Variants in CNTNAP2 observed in about 807,000 individuals in gnomAD.
CNTNAP2 encodes the protein contactin associated protein 2.
CNTNAP2 carries 98 observed loss-of-function variants against 155.2 expected under a neutral mutation model. The observed-to-expected ratio is 0.63, with a 90% CI of 0.54 to 0.75. The LOEUF is 0.75. CNTNAP2 is among the 30% of genes least tolerant of loss of function. CNTNAP2 has a pLI of 0.00. For synonymous variants in CNTNAP2, 651 were observed against 631.2 expected, an observed-to-expected ratio of 1.03 and a Z score of -0.47; for missense variants, 1,727 against 1,688.1, an observed-to-expected ratio of 1.02 and a Z score of -0.40.
intron 16 of CNTNAP2, among the ~76,000 whole-genome samples, chr7:148,146,282 T>G (rs1805175390): frequency 6.6e-6 from 1 of 152,230 alleles, no homozygotes; most frequent in Non-Finnish European, 1.5e-5. Context: ...TGCCACATCT[T>G]TAATGTTGAG....
At chr7:147,718,426 G>A (rs933738762) in intron 13 of CNTNAP2, among the ~76,000 whole-genome samples, 28 of 152,032 alleles carry the variant, frequency 1.8e-4, no homozygotes, top group African/African-American at 6.3e-4. Flanking sequence ...TATGTATTCT[G>A]CCTGGTTTTA....
intron 1 of CNTNAP2, among the ~76,000 whole-genome samples, chr7:146,343,655 C>T (rs989875528): frequency 2.6e-5 from 4 of 152,016 alleles, no homozygotes; most frequent in African/African-American, 7.2e-5. Context: ...TTATTTAAGA[C>T]AATCTGAGAT....
At chr7:147,210,348 T>C (rs2116569942) in intron 8 of CNTNAP2, among the ~76,000 whole-genome samples, 1 of 152,208 alleles carries the variant, frequency 6.6e-6, no homozygotes, top group South Asian at 2.1e-4. Flanking sequence ...CAGGAATTTA[T>C]CCATTTCCTT....
At chr7:147,684,338 C>T (rs1795989822) in intron 13 of CNTNAP2, among the ~76,000 whole-genome samples, 1 of 151,796 alleles carries the variant, frequency 6.6e-6, no homozygotes, top group African/African-American at 2.4e-5. Context: ...ATTTTAAACA[C>T]ACTGAAGAAA....
chr7:147,044,125 A>C, intron 4 of CNTNAP2, 71 bp downstream of exon 4: 1 of 1,543,406 alleles, frequency 6.5e-7, no homozygotes, highest in East Asian at 2.3e-5. Context: ...TTTATTTTAA[A>C]TTATTTAACA....
chr7:146,470,890 G>C (rs1584940436), intron 1 of CNTNAP2, among the ~76,000 whole-genome samples: 1 of 151,850 alleles, frequency 6.6e-6, no homozygotes, highest in Middle Eastern at 3.4e-3. Context: ...TTTTTTATCT[G>C]AATCCCATGT....
intron 1 of CNTNAP2, among the ~76,000 whole-genome samples, chr7:146,392,238 T>G (rs182102517): frequency 6.6e-6 from 1 of 152,292 alleles, no homozygotes; most frequent in East Asian, 1.9e-4. Flanking sequence ...TTTTGAGAAA[T>G]AATACATGCC....
intron 3 of CNTNAP2, among the ~76,000 whole-genome samples, chr7:146,932,921 C>T (rs987969523): frequency 5.3e-5 from 8 of 152,116 alleles, no homozygotes; most frequent in Admixed American, 1.3e-4. Context: ...CAAACCACTT[C>T]TCAATGAAAT....
chr7:146,566,123 T>TCCCC lies in CNTNAP2; in HGVS notation c.98-208147_98-208146insCCCC, dbSNP rs1798353579. Among the ~76,000 whole-genome samples, 3 of 152,198 alleles carry TCCCC rather than the reference T, an allele frequency of 2.0e-5. No homozygotes were observed. The East Asian group carries it at 5.8e-4, about 30-fold the overall frequency. ...TGGTGTAGGCTCTGGGAGGTGAACATCAGCTTTGTTATTCCAGCTGGGTGC... is the reference window on the plus strand; with the variant it reads ...TGGTGTAGGCTCTGGGAGGTGAACATCCCCCAGCTTTGTTATTCCAGCTGGGTGC... On this transcript the variant is annotated intron_variant, in intron 1 of 23. Coordinates refer to ENST00000361727, the MANE Select transcript of CNTNAP2 (RefSeq NM_014141.6).
intron 2 of CNTNAP2, among the ~76,000 whole-genome samples, chr7:146,789,268 T>C (rs892828414): frequency 6.6e-6 from 1 of 152,192 alleles, no homozygotes; most frequent in Non-Finnish European, 1.5e-5. Context: ...TGAGAACTTT[T>C]CTTTTGGAAA....
chr7:146,872,358 G>C (rs1185575605), intron 3 of CNTNAP2, among the ~76,000 whole-genome samples: 1 of 152,016 alleles, frequency 6.6e-6, no homozygotes, highest in African/African-American at 2.4e-5. Flanking sequence ...CAAAATCTGT[G>C]ACAAAACCCA....
At chr7:146,382,230 C>T (rs539572200) in intron 1 of CNTNAP2, among the ~76,000 whole-genome samples, 3 of 152,210 alleles carry the variant, frequency 2.0e-5, no homozygotes, top group Admixed American at 2.0e-4. Flanking sequence ...ACCTAGACTT[C>T]CAGACGTTTG....
chr7:148,052,953 A>G (rs1052530615), intron 15 of CNTNAP2, among the ~76,000 whole-genome samples: 4 of 152,210 alleles, frequency 2.6e-5, no homozygotes, highest in African/African-American at 9.7e-5. Context: ...AGGCTGAGCC[A>G]GGAGAATCGC....
At chr7:146,819,285 A>G (rs1384519728) in intron 2 of CNTNAP2, among the ~76,000 whole-genome samples, 1 of 152,176 alleles carries the variant, frequency 6.6e-6, no homozygotes, top group African/African-American at 2.4e-5. Flanking sequence ...TTATTTCTAT[A>G]GTAATGCAGA....
At chr7:147,246,122 G>A (rs1804061840) in intron 8 of CNTNAP2, among the ~76,000 whole-genome samples, 2 of 147,998 alleles carry the variant, frequency 1.4e-5, no homozygotes, top group Admixed American at 6.8e-5. Flanking sequence ...CATATATATG[G>A]CATATATATG....
chr7:146,992,686 G>C (rs1329717987), intron 3 of CNTNAP2, among the ~76,000 whole-genome samples: 1 of 151,670 alleles, frequency 6.6e-6, no homozygotes, highest in Admixed American at 6.6e-5. Context: ...TCAATATGAA[G>C]AAAAAGTAGT....
chr7:147,147,051 C>A (rs971406852), intron 8 of CNTNAP2, among the ~76,000 whole-genome samples: 1 of 152,114 alleles, frequency 6.6e-6, no homozygotes, highest in Admixed American at 6.5e-5. Flanking sequence ...GTTTAATTGA[C>A]TCACAGTTCT....
At chr7:147,090,194 T>C (rs1800371858) in intron 4 of CNTNAP2, among the ~76,000 whole-genome samples, 1 of 152,152 alleles carries the variant, frequency 6.6e-6, no homozygotes, top group African/African-American at 2.4e-5. Context: ...TGAGTCAATG[T>C]TGCTAAGTGG....
chr7:146,873,570 AGAAGTGGGCTCCTAGAGTATTTGAATTAT>A (rs1317290856), intron 3 of CNTNAP2, among the ~76,000 whole-genome samples: 2 of 152,156 alleles, frequency 1.3e-5, no homozygotes, highest in Non-Finnish European at 2.9e-5. Context: ...TCTGTGGGTA[AGAAGTGGGCTCCTAGAGTATTTGAATTAT>A]GAATGCAAGT....
Sources: gnomAD v4.1 joint callset for allele counts (sites outside exome capture counted in the v4.1 genomes callset) on GRCh38, gnomAD v4.1.1 for gene constraint, MANE v1.5 for transcripts, NCBI Gene and HGNC (gene_info 2026-07-23, HGNC 2026-07-21) for gene names.